Variants in NR2C2 observed in about 807,000 individuals in gnomAD.
The protein encoded by NR2C2 is nuclear receptor subfamily 2 group C member 2.
In NR2C2, 6 loss-of-function variants were observed where a neutral mutation model predicts 62.9. That is an observed-to-expected ratio of 0.10 (90% CI 0.05 to 0.19). NR2C2 has a LOEUF of 0.19. Ranked by LOEUF, NR2C2 falls within the 10% of genes least tolerant of loss-of-function variation. The pLI is 1.00. For missense variants in NR2C2, 479 were observed against 762.7 expected (o/e 0.63, Z 4.38); for synonymous variants, 272 against 273.8 (o/e 0.99, Z 0.07).
intron 5 of NR2C2, among the ~76,000 whole-genome samples, chr3:15,021,328 G>T (rs1472981518): frequency 6.6e-6 from 1 of 152,142 alleles, no homozygotes; most frequent in Non-Finnish European, 1.5e-5. Context: ...CTTATATATT[G>T]CTCCTGAGGA....
intron 1 of NR2C2, among the ~76,000 whole-genome samples, chr3:14,972,546 T>G (rs2040074192): frequency 6.6e-6 from 1 of 152,210 alleles, no homozygotes; most frequent in Non-Finnish European, 1.5e-5. Flanking sequence ...TTTCCCACTT[T>G]TTAATTGGGT....
intron 5 of NR2C2, among the ~76,000 whole-genome samples, chr3:15,022,666 C>T (rs1166167503): frequency 2.0e-5 from 3 of 151,956 alleles, no homozygotes; most frequent in African/African-American, 7.2e-5. Flanking sequence ...CAGACGTGAG[C>T]CACCACCCCC....
intron 1 of NR2C2, among the ~76,000 whole-genome samples, chr3:14,970,326 C>T (rs1336787622): frequency 4.0e-5 from 6 of 151,888 alleles, no homozygotes; most frequent in African/African-American, 9.7e-5. Context: ...TTTTTAATTG[C>T]GGTAAAATAT....
At chr3:14,965,115 C>T (rs1337788534) in intron 1 of NR2C2, among the ~76,000 whole-genome samples, 1 of 152,200 alleles carries the variant, frequency 6.6e-6, no homozygotes, top group Non-Finnish European at 1.5e-5. Flanking sequence ...AAACTCCCCA[C>T]AGACAGTGGC....
chr3:15,029,109 CT>C lies in NR2C2; in HGVS notation c.932+405del, dbSNP rs200667224. On this transcript the variant is annotated intron_variant, in intron 8 of 13. Coordinates refer to ENST00000425241, the MANE Select transcript of NR2C2 (RefSeq NM_001291694.2). ...TTTCTCATCTATATTTTTCTTTTTT[CT>C]TTTTTTTTTTTTTTAATAGAGATGG... is the stretch of plus-strand genomic sequence containing the variant. 4.7e-3 allele frequency among the ~76,000 whole-genome samples: 587 copies of C among 123,708 alleles called. 2 individuals carry two copies. Among genetic ancestry groups the C allele is most frequent in the African/African-American group, 7.3e-3 (190 of 26,124 alleles). 81.2% of individuals were successfully genotyped at this position (123,708 alleles called of 152,430 possible).
At chr3:14,949,011 C>T (rs1175420155) in intron 1 of NR2C2, among the ~76,000 whole-genome samples, 2 of 152,228 alleles carry the variant, frequency 1.3e-5, no homozygotes, top group African/African-American at 4.8e-5. Flanking sequence ...GGGATTACAG[C>T]CACCAGGAGA....
At chr3:14,988,323 T>C (rs1272820969) in intron 1 of NR2C2, among the ~76,000 whole-genome samples, 2 of 152,248 alleles carry the variant, frequency 1.3e-5, no homozygotes, top group Non-Finnish European at 2.9e-5. Flanking sequence ...ACTGCAAATA[T>C]CTGGTATTGT....
chr3:14,974,067 AAC>A (rs1307875682), intron 1 of NR2C2, among the ~76,000 whole-genome samples: 1 of 152,202 alleles, frequency 6.6e-6, no homozygotes, highest in African/African-American at 2.4e-5. Flanking sequence ...CTAAAACTGA[AAC>A]TCTATACTTA....
rs570141753 is a variant in NR2C2 at position 14,953,057 on chromosome 3, T to C, written c.-40+5151T>C. Among the ~76,000 whole-genome samples the C allele has an allele frequency of 3.3e-5, 5 of 152,142 alleles. No homozygotes were observed. In the South Asian group the frequency reaches 8.3e-4, roughly 25 times the overall value. ...ACCTGGAAGTCTTAGAATAGAAGGATGGGAGGTGAATTGTTAAGGACAGAA... is the reference window on the plus strand; with the variant it reads ...ACCTGGAAGTCTTAGAATAGAAGGACGGGAGGTGAATTGTTAAGGACAGAA... On this transcript the variant is annotated intron_variant, in intron 1 of 13. Transcript: ENST00000425241.
chr3:14,969,934 CAAG>C (rs994022677), intron 1 of NR2C2, among the ~76,000 whole-genome samples: 24 of 152,304 alleles, frequency 1.6e-4, no homozygotes, highest in African/African-American at 5.3e-4. Flanking sequence ...GCCGTGTCCT[CAAG>C]GAGGGAAAAG....
At chr3:15,035,657 G>T (rs545785331) in intron 11 of NR2C2, among the ~76,000 whole-genome samples, 1 of 152,350 alleles carries the variant, frequency 6.6e-6, no homozygotes, top group East Asian at 1.9e-4. Flanking sequence ...CACTTTGGGA[G>T]GCCAAGACGG....
chr3:14,953,671 G>A (rs148564132), intron 1 of NR2C2, among the ~76,000 whole-genome samples: 6,543 of 152,142 alleles, frequency 0.043, 199 homozygotes, highest in Non-Finnish European at 0.066. Flanking sequence ...CAAGGCAGGC[G>A]GATCATGAGG....
At chr3:14,977,147 T>C (rs1321919890) in intron 1 of NR2C2, among the ~76,000 whole-genome samples, 1 of 152,184 alleles carries the variant, frequency 6.6e-6, no homozygotes, top group African/African-American at 2.4e-5. Flanking sequence ...TCATTTCCTC[T>C]CGTTTTCTCT....
At chr3:14,980,375 C>G (rs1234856472) in intron 1 of NR2C2, among the ~76,000 whole-genome samples, 2 of 151,898 alleles carry the variant, frequency 1.3e-5, no homozygotes, top group African/African-American at 4.8e-5. Context: ...GTTGTACAGG[C>G]TGCTCTCAAA....
chr3:15,036,378 A>G (rs2042103339), intron 11 of NR2C2, among the ~76,000 whole-genome samples: 1 of 152,228 alleles, frequency 6.6e-6, no homozygotes, highest in African/African-American at 2.4e-5. Flanking sequence ...CAGCCATTGT[A>G]GTCTCTCCAT....
chr3:14,988,981 C>G (rs926401523), intron 1 of NR2C2, among the ~76,000 whole-genome samples: 12 of 152,140 alleles, frequency 7.9e-5, no homozygotes, highest in African/African-American at 2.9e-4. Flanking sequence ...AAGTAAATAT[C>G]CGTAATACCT....
intron 2 of NR2C2, among the ~76,000 whole-genome samples, chr3:15,009,362 G>C (rs1438548902): frequency 6.6e-6 from 1 of 152,184 alleles, no homozygotes; most frequent in African/African-American, 2.4e-5. Context: ...CAGATGGATT[G>C]AATGTGACTC....
chr3:14,975,279 G>C (rs753121218), intron 1 of NR2C2, among the ~76,000 whole-genome samples: 13 of 152,098 alleles, frequency 8.5e-5, no homozygotes, highest in Non-Finnish European at 1.8e-4. Flanking sequence ...AGCCATTCTT[G>C]TCTTGTTCCT....
chr3:15,021,249 A>G (rs1363963857), intron 5 of NR2C2, among the ~76,000 whole-genome samples: 2 of 152,184 alleles, frequency 1.3e-5, no homozygotes, highest in African/African-American at 4.8e-5. Context: ...AGAGAGAGCT[A>G]TGATGCCTGA....
Sources: gnomAD v4.1 joint callset for allele counts (sites outside exome capture counted in the v4.1 genomes callset) on GRCh38, gnomAD v4.1.1 for gene constraint, MANE v1.5 for transcripts, NCBI Gene and HGNC (gene_info 2026-07-23, HGNC 2026-07-21) for gene names.